Variants in ITFG2 observed in about 807,000 individuals in gnomAD.
The protein encoded by ITFG2 is integrin alpha FG-GAP repeat containing 2, also known as KICSTOR complex protein ITFG2.
ITFG2 carries 36 observed loss-of-function variants against 54.4 expected under a neutral mutation model. The observed-to-expected ratio is 0.66, with a 90% CI of 0.51 to 0.87. The LOEUF is 0.87. Ranked by LOEUF, ITFG2 falls within the 40% of genes least tolerant of loss-of-function variation. ITFG2 has a pLI of 0.00. For synonymous variants in ITFG2, 211 were observed against 225.4 expected (o/e 0.94, Z 0.57); for missense variants, 524 against 576.7 (o/e 0.91, Z 0.94).
At chr12:2,853,237 C>A (rs760649772) in intron 2 of ITFG2, among the ~76,000 whole-genome samples, 1 of 151,960 alleles carries the variant, frequency 6.6e-6, no homozygotes, top group Non-Finnish European at 1.5e-5. Context: ...CCTGGGTCCC[C>A]ACAAAGGAGA....
At chr12:2,849,806 C>T (rs1186809357) in intron 2 of ITFG2, among the ~76,000 whole-genome samples, 2 of 152,150 alleles carry the variant, frequency 1.3e-5, no homozygotes, top group Non-Finnish European at 1.5e-5. Flanking sequence ...TGATCCAGAT[C>T]CCAATCCAGA....
At position 2,824,594 on chromosome 12, in the gene ITFG2, C is replaced by T. The variant is rs1043209148; in HGVS notation, c.*401C>T. On this transcript the variant is annotated 3_prime_UTR_variant, in exon 12 of 12. Transcript: ENST00000228799. ...GAGCAGTGGAGGTAAGGGCTCCACC[C>T]CATCTTAAGCTCTGTCTTCCGTGGC... 1.3e-5 allele frequency: 3 copies of T among 235,158 alleles called. No individual in the cohort carries two copies. The highest frequency in any genetic ancestry group is 6.8e-5 in the African/African-American group (3 of 44,272). The allele number at this position is 235,158 out of a possible 1,614,324, so 14.6% of individuals were successfully genotyped here. A position where few individuals can be genotyped will look rare whatever the true frequency, so the allele number is the denominator to read the frequency against.
chr12:2,817,742 T>C, intron 2 of ITFG2, 167 bp from the exon 3 acceptor site: 1 of 628,748 alleles, frequency 1.6e-6, no homozygotes, highest in Non-Finnish European at 2.7e-6. Flanking sequence ...AAACCAAACC[T>C]ACAGCACAGT....
intron 2 of ITFG2, chr12:2,849,488 G>C: frequency 2.0e-6 from 3 of 1,536,140 alleles, no homozygotes; most frequent in Non-Finnish European, 2.6e-6. Flanking sequence ...TGGAGGCCCT[G>C]GGGTTCAAAC....
rs371697675 is a variant in ITFG2, at chr12:2,845,419, C to T, written n.300+4424C>T. Among the ~76,000 whole-genome samples, 1 of 152,132 alleles carries T rather than the reference C, an allele frequency of 6.6e-6. No homozygotes were observed. The highest frequency in any genetic ancestry group is 1.5e-5 in the Non-Finnish European group (1 of 68,026). On this transcript the variant is annotated intron_variant and non_coding_transcript_variant, in intron 2 of 3. Coordinates refer to the ITFG2 transcript ENST00000537710. This position sits in a 1 kb window ranked among gnomAD's most constrained non-coding sequence, Gnocchi z 4.2. ...GGGGTTCCCAGTCCCCACAGCTTCC[C>T]GACTCCCTGGCCCCAGCCATTCCTC...
rs1171648553 is a variant in ITFG2, at chr12:2,822,774, T to C, written c.949-20T>C. ...AGTCCACAGCTCCTTTATGTTCCTT[T>C]TGTCTCTGTCCTTTTTCAGGGCAAC... On this transcript the variant is annotated intron_variant, in intron 9 of 11. Transcript: ENST00000228799. 1.2e-6 allele frequency: 2 copies of C among 1,602,026 alleles called. No homozygotes were observed. The highest frequency in any genetic ancestry group is 3.3e-5 in the Admixed American group (2 of 59,940).
chr12:2,849,412 T>C (rs2098062964), intron 2 of ITFG2: 2 of 1,536,028 alleles, frequency 1.3e-6, no homozygotes, highest in African/African-American at 2.7e-5. Flanking sequence ...CTCCTGGTAG[T>C]GAGGCAGAGG....
intron 1 of ITFG2, among the ~76,000 whole-genome samples, chr12:2,813,066 T>G (rs1010517349): frequency 1.3e-4 from 20 of 152,240 alleles, no homozygotes; most frequent in African/African-American, 4.8e-4. Context: ...TGAGACAGGC[T>G]CCGTCTGTCA....
chr12:2,844,662 CTTTG>C (rs912254928), intron 2 of ITFG2, among the ~76,000 whole-genome samples: 7 of 152,182 alleles, frequency 4.6e-5, no homozygotes, highest in African/African-American at 9.7e-5. Context: ...GTCCCTCCCT[CTTTG>C]TTTATCTTTT....
intron 2 of ITFG2, chr12:2,857,292 G>A (rs956512414): frequency 1.9e-6 from 1 of 518,538 alleles, no homozygotes; most frequent in Non-Finnish European, 3.5e-6. Flanking sequence ...AGGGCAGGCT[G>A]GCTCCCAGGC....
rs2097950173 is a variant in ITFG2, at chr12:2,822,862, C to T, written c.1017C>T (p.Arg339=). ...AGACATATATCATTGATCACAACCG[C>T]ACCGTCGTCCGCTTCCAAGTGGATG... The part of the protein sequence containing the change: ...DGQTYIIDHN[R]TVVRFQVDEN... The change falls in exon 10 of 12, where the codon CGC becomes CGT. Residue 339 remains arginine (R), a synonymous_variant. Transcript: ENST00000228799. 5 of 1,614,162 alleles carry T rather than the reference C, an allele frequency of 3.1e-6. No individual in the cohort carries two copies. The highest frequency in any genetic ancestry group is 2.2e-5 in the South Asian group (2 of 91,084).
chr12:2,833,977 G>C (rs975889437), upstream of ITFG2, among the ~76,000 whole-genome samples: 1 of 152,198 alleles, frequency 6.6e-6, no homozygotes, highest in Non-Finnish European at 1.5e-5. Flanking sequence ...AGAGGGGAAT[G>C]CCTGAATCTG....
At chr12:2,820,020 C>A in intron 4 of ITFG2, 66 bp from the exon 5 acceptor site, 1 of 1,540,952 alleles carries the variant, frequency 6.5e-7, no homozygotes, top group Non-Finnish European at 8.7e-7. Flanking sequence ...GAAGGTGCCA[C>A]TGTTAGCAGA....
chr12:2,817,517 C>T (rs2097925458), intron 2 of ITFG2, 199 bp downstream of exon 2: 2 of 576,168 alleles, frequency 3.5e-6, no homozygotes, highest in East Asian at 2.8e-5. Context: ...CACACGCGTG[C>T]GTGGGCTGGG....
chr12:2,853,608 T>G (rs1307981900), intron 2 of ITFG2, among the ~76,000 whole-genome samples: 2 of 143,400 alleles, frequency 1.4e-5, no homozygotes, highest in African/African-American at 5.3e-5. Context: ...TTTGTTTTTG[T>G]TTTTGTTTTT....
intron 2 of ITFG2, among the ~76,000 whole-genome samples, chr12:2,844,088 C>G (rs2098047681): frequency 6.9e-6 from 1 of 144,896 alleles, no homozygotes; most frequent in African/African-American, 2.6e-5. Flanking sequence ...AACCCCATCT[C>G]TACTAAAAAT....
intron 2 of ITFG2, chr12:2,830,787 A>G (rs1565430461): frequency 6.2e-7 from 1 of 1,613,936 alleles, no homozygotes. Context: ...CAGGTCCTGC[A>G]TCCGGGGAGG....
At chr12:2,855,441 G>T (rs758545422) in intron 2 of ITFG2, 97 of 1,466,250 alleles carry the variant, frequency 6.6e-5, no homozygotes, top group Non-Finnish European at 8.0e-5. Flanking sequence ...CGCTGGCCTG[G>T]ACCATCTAGG....
chr12:2,830,493 C>T lies in ITFG2; in HGVS notation c.*60-341C>T, dbSNP rs2097995932. 1.4e-5 allele frequency: 7 copies of T among 495,284 alleles called. No homozygotes were observed. In the South Asian group the frequency reaches 2.5e-4, roughly 17 times the overall value. The allele number at this position is 495,284 out of a possible 1,614,324, so 30.7% of individuals were successfully genotyped here. A position where few individuals can be genotyped will look rare whatever the true frequency, so the allele number is the denominator to read the frequency against. On this transcript the variant is annotated intron_variant and NMD_transcript_variant, in intron 2 of 2. Transcript: ENST00000538822. ...TTGTATTTTGACCAAGGAAGGGGGGCAGAGTAATGGTGGTGACAGATGGAG... is the reference window on the plus strand; with the variant it reads ...TTGTATTTTGACCAAGGAAGGGGGGTAGAGTAATGGTGGTGACAGATGGAG...
Sources: allele counts gnomAD v4.1 joint callset (sites outside exome capture counted in the v4.1 genomes callset), GRCh38; gene constraint gnomAD v4.1.1; non-coding constraint Gnocchi (gnomAD v3.1); transcripts MANE v1.5; gene names NCBI Gene and HGNC (gene_info 2026-07-23, HGNC 2026-07-21).